KDM4C: variants seen among roughly 807,000 people sequenced by gnomAD.
KDM4C encodes the protein lysine-specific demethylase 4C.
A neutral mutation model predicts 129.3 loss-of-function variants in KDM4C; 81 were observed. That is an observed-to-expected ratio of 0.63 (90% confidence interval 0.52 to 0.75). The LOEUF (loss-of-function observed/expected upper bound fraction) is 0.75, where lower values mean the gene tolerates loss of function less well. KDM4C is among the 30% of genes least tolerant of loss of function. KDM4C has a pLI of 0.00. For synonymous variants in KDM4C, 573 were observed against 456.1 expected (o/e 1.26, Z -3.26); for missense variants, 1,457 against 1,304.0 (o/e 1.12, Z -1.81).
chr9:7,067,638 A>G (rs7848775), intron 17 of KDM4C, among the ~76,000 whole-genome samples: 14,524 of 152,186 alleles, frequency 0.095, 835 homozygotes, highest in East Asian at 0.2. Flanking sequence ...TTATTTTTAT[A>G]TTTTATTTTC....
intron 1 of KDM4C, among the ~76,000 whole-genome samples, chr9:6,773,750 G>A (rs1458952722): frequency 2.0e-5 from 3 of 148,372 alleles, no homozygotes; most frequent in East Asian, 3.9e-4. Flanking sequence ...TAGCCTGGGC[G>A]ACAGAGTGAG....
chr9:6,749,689 TA>T (rs1326535446), intron 1 of KDM4C, among the ~76,000 whole-genome samples: 3 of 150,974 alleles, frequency 2.0e-5, no homozygotes, highest in African/African-American at 7.3e-5. Context: ...AAAATAAAAT[TA>T]AAAAAAGGTA....
intron 15 of KDM4C, among the ~76,000 whole-genome samples, chr9:7,031,441 G>A (rs928329994): frequency 2.0e-5 from 3 of 152,102 alleles, no homozygotes; most frequent in Non-Finnish European, 4.4e-5. Context: ...GATTACAGGC[G>A]TGAGCCATTG....
intron 19 of KDM4C, among the ~76,000 whole-genome samples, chr9:7,158,876 G>C (rs1843476166): frequency 6.6e-6 from 1 of 152,212 alleles, no homozygotes; most frequent in African/African-American, 2.4e-5. Flanking sequence ...GCAGAGCTGA[G>C]TTCAAGTCCT....
intron 17 of KDM4C, among the ~76,000 whole-genome samples, chr9:7,068,289 A>G (rs947452928): frequency 5.3e-5 from 8 of 152,182 alleles, no homozygotes; most frequent in Non-Finnish European, 7.3e-5. Flanking sequence ...TGGTCTTACT[A>G]TAAACCCACT....
chr9:6,765,670 A>G lies in KDM4C; in HGVS notation c.-18+7467A>G, dbSNP rs151215334. ...ATATATGCAAAAATGAAGGAACTGTAAAACCAGGACACGCATTGGGAAATA... is the reference window on the plus strand; with the variant it reads ...ATATATGCAAAAATGAAGGAACTGTGAAACCAGGACACGCATTGGGAAATA... On this transcript the variant is annotated intron_variant, in intron 1 of 21. Coordinates refer to ENST00000381309, the MANE Select transcript of KDM4C (RefSeq NM_015061.6). Among the ~76,000 whole-genome samples, 730 of 152,346 alleles carry G rather than the reference A, an allele frequency of 4.8e-3. 8 individuals carry two copies. The highest frequency in any genetic ancestry group is 0.017 in the African/African-American group (708 of 41,578).
chr9:6,805,057 C>T (rs961375760), intron 2 of KDM4C, among the ~76,000 whole-genome samples: 9 of 151,972 alleles, frequency 5.9e-5, no homozygotes, highest in African/African-American at 1.7e-4. Flanking sequence ...CGTGCCACCA[C>T]GCCCGGCTAA....
chr9:7,103,660 GTTC>G (rs991740335), intron 17 of KDM4C, 22 bp from the exon 18 acceptor site: 13 of 1,525,806 alleles, frequency 8.5e-6, no homozygotes, highest in Non-Finnish European at 1.1e-5. Context: ...GTGAATTGAT[GTTC>G]TTCTCTGTTT....
chr9:6,964,948 C>T lies in KDM4C; in HGVS notation c.922-15977C>T, dbSNP rs11794561. ...CAGCCTGGGCTACAGAGTGAGACTTCGTCGGGAAAAAAAAAAAGCAAAGTG... is the reference window on the plus strand; with the variant it reads ...CAGCCTGGGCTACAGAGTGAGACTTTGTCGGGAAAAAAAAAAAGCAAAGTG... On this transcript the variant is annotated intron_variant, in intron 8 of 21. Transcript: ENST00000381309. Among the ~76,000 whole-genome samples, 513 of 151,742 alleles carry T rather than the reference C, an allele frequency of 3.4e-3. 2 individuals carry two copies. The highest frequency in any genetic ancestry group is 0.011 in the African/African-American group (441 of 41,374).
intron 1 of KDM4C, among the ~76,000 whole-genome samples, chr9:6,741,492 CTTCA>C (rs1198086047): frequency 1.3e-5 from 2 of 152,092 alleles, no homozygotes; most frequent in East Asian, 3.8e-4. Flanking sequence ...TTTTATTGTT[CTTCA>C]TTCATTTCTT....
chr9:7,074,184 G>A (rs1333567482), intron 17 of KDM4C, among the ~76,000 whole-genome samples: 1 of 151,270 alleles, frequency 6.6e-6, no homozygotes. Flanking sequence ...TTCTTTCTGA[G>A]TTGGAGTTTC....
intron 1 of KDM4C, among the ~76,000 whole-genome samples, chr9:6,765,749 T>G (rs768463122): frequency 2.6e-5 from 4 of 152,178 alleles, no homozygotes; most frequent in Non-Finnish European, 5.9e-5. Context: ...GAAACAAAAG[T>G]TTCACAAAAC....
chr9:7,024,496 A>G (rs1314573655), intron 15 of KDM4C, among the ~76,000 whole-genome samples: 1 of 120,548 alleles, frequency 8.3e-6, no homozygotes, highest in East Asian at 2.3e-4. Context: ...CCCCCACCCC[A>G]CAACAGTCCC....
chr9:7,023,002 T>G (rs976262676), intron 15 of KDM4C, among the ~76,000 whole-genome samples: 2 of 152,236 alleles, frequency 1.3e-5, no homozygotes, highest in African/African-American at 4.8e-5. Context: ...AAATCCCACT[T>G]GGTCATGATG....
chr9:6,864,258 C>T (rs1307021009), intron 5 of KDM4C, among the ~76,000 whole-genome samples: 1 of 151,152 alleles, frequency 6.6e-6, no homozygotes, highest in East Asian at 1.9e-4. Flanking sequence ...GTTTGAAGGA[C>T]AGCTTTGCTG....
chr9:7,174,205 T>C (rs950346945), intron 21 of KDM4C, among the ~76,000 whole-genome samples: 1 of 152,128 alleles, frequency 6.6e-6, no homozygotes, highest in Non-Finnish European at 1.5e-5. Flanking sequence ...CAAAGCTAAG[T>C]AGGAGTAAAG....
At chr9:7,043,603 C>G (rs550201351) in intron 15 of KDM4C, among the ~76,000 whole-genome samples, 1 of 151,950 alleles carries the variant, frequency 6.6e-6, no homozygotes, top group Admixed American at 6.6e-5. Flanking sequence ...TATGTTTTTA[C>G]CAGATCAACT....
At chr9:6,836,641 T>C (rs1835936464) in intron 4 of KDM4C, among the ~76,000 whole-genome samples, 1 of 152,182 alleles carries the variant, frequency 6.6e-6, no homozygotes, top group Non-Finnish European at 1.5e-5. Flanking sequence ...GCACGTATTT[T>C]AACACAATAT....
chr9:6,882,808 G>GCA (rs1563753980), intron 6 of KDM4C, among the ~76,000 whole-genome samples: 13 of 151,602 alleles, frequency 8.6e-5, no homozygotes, highest in Middle Eastern at 3.4e-3. Flanking sequence ...GTGTGTGTGC[G>GCA]CGTGTGCACG....
Sources: allele counts gnomAD v4.1 joint callset (sites outside exome capture counted in the v4.1 genomes callset), GRCh38; gene constraint gnomAD v4.1.1; transcripts MANE v1.5; gene names NCBI Gene and HGNC (gene_info 2026-07-23, HGNC 2026-07-21).